REPS2: variants seen among roughly 807,000 people sequenced by gnomAD.
The protein encoded by REPS2 is ralBP1-associated Eps domain-containing protein 2.
In REPS2, 23 loss-of-function variants were observed where a neutral mutation model predicts 53.6. The ratio of observed to expected loss-of-function variants is 0.43; its 90% CI spans 0.31 to 0.61. REPS2 has a LOEUF of 0.61. Ranked by LOEUF, REPS2 falls within the 20% of genes least tolerant of loss-of-function variation. The pLI, the probability that REPS2 is intolerant of heterozygous loss-of-function variation, is 0.11. For synonymous variants in REPS2, 238 were observed against 218.6 expected, an observed-to-expected ratio of 1.09 and a Z score of -0.78; for missense variants, 446 against 534.9, an observed-to-expected ratio of 0.83 and a Z score of 1.64.
chrX:17,126,769 A>G (rs1300494623), intron 14 of REPS2, among the ~76,000 whole-genome samples: 1 of 111,379 alleles, frequency 9.0e-6, no homozygotes, highest in African/African-American at 3.3e-5. Context: ...CATTCATCGT[A>G]TTGTCTGTAG....
chrX:17,191,710 T>C, the REPS2 span, among the ~76,000 whole-genome samples: 1 of 112,675 alleles, frequency 8.9e-6, no homozygotes, highest in Non-Finnish European at 1.9e-5. Flanking sequence ...AATGAAATAT[T>C]GATACTTGCA....
At chrX:17,121,253 C>T (rs900015226) in intron 14 of REPS2, among the ~76,000 whole-genome samples, 2 of 112,176 alleles carry the variant, frequency 1.8e-5, no homozygotes, top group Non-Finnish European at 3.8e-5. Flanking sequence ...CAACTTCCTC[C>T]TAAATACCCT....
At chrX:16,964,159 A>G (rs1408189963) in intron 1 of REPS2, among the ~76,000 whole-genome samples, 1 of 107,432 alleles carries the variant, frequency 9.3e-6, no homozygotes, top group Non-Finnish European at 1.9e-5. Context: ...TGGTTTTCCT[A>G]GGCAGAGGAC....
At chrX:17,158,263 G>C (rs1193889076), downstream of REPS2, among the ~76,000 whole-genome samples, 1 of 111,768 alleles carries the variant, frequency 8.9e-6, no homozygotes, top group Non-Finnish European at 1.9e-5. Context: ...GCAAATGATA[G>C]GTTAATGGTA....
intron 1 of REPS2, among the ~76,000 whole-genome samples, chrX:16,963,139 T>C (rs771419576): frequency 1.2e-4 from 14 of 112,021 alleles, no homozygotes; most frequent in Non-Finnish European, 2.6e-4. Flanking sequence ...TATGTGTATA[T>C]GTATACGTTC....
chrX:17,094,502 T>C (rs1033678356), intron 13 of REPS2, among the ~76,000 whole-genome samples: 9 of 112,214 alleles, frequency 8.0e-5, no homozygotes, highest in African/African-American at 2.6e-4. Flanking sequence ...ATTCTTCATT[T>C]CTGGGAAATT....
intron 5 of REPS2, among the ~76,000 whole-genome samples, chrX:17,032,636 T>C (rs1167152074): frequency 8.9e-6 from 1 of 111,871 alleles, no homozygotes; most frequent in African/African-American, 3.3e-5. Flanking sequence ...TGTTGTCACG[T>C]TGATGTGCCG....
chrX:17,102,361 A>G (rs1206709271), intron 13 of REPS2, among the ~76,000 whole-genome samples: 1 of 111,920 alleles, frequency 8.9e-6, no homozygotes, highest in Admixed American at 9.5e-5. Flanking sequence ...GGACTACAGC[A>G]TGAGGCACCA....
At chrX:17,113,753 T>C (rs771845798) in intron 14 of REPS2, among the ~76,000 whole-genome samples, 34 of 111,540 alleles carry the variant, frequency 3.0e-4, no homozygotes, top group Non-Finnish European at 4.9e-4. Flanking sequence ...AATACCAGCA[T>C]TGGAATGGAG....
At chrX:17,170,839 GACA>G in the REPS2 span, among the ~76,000 whole-genome samples, 5 of 112,840 alleles carry the variant, frequency 4.4e-5, no homozygotes, top group Non-Finnish European at 9.4e-5. Flanking sequence ...TGCTCCTTGA[GACA>G]ACAAGCCATC....
intron 1 of REPS2, among the ~76,000 whole-genome samples, chrX:16,975,613 C>T (rs1462748222): frequency 9.0e-6 from 1 of 111,600 alleles, no homozygotes; most frequent in Non-Finnish European, 1.9e-5. Flanking sequence ...CATGATGTCT[C>T]AACCCCTCAT....
the REPS2 span, among the ~76,000 whole-genome samples, chrX:17,173,004 T>TGC: frequency 5.4e-5 from 6 of 110,419 alleles, no homozygotes; most frequent in African/African-American, 9.9e-5. Flanking sequence ...TGTGTGTGTG[T>TGC]GCATCATAGT....
At chrX:16,962,910 C>T (rs930344949) in intron 1 of REPS2, among the ~76,000 whole-genome samples, 1 of 111,198 alleles carries the variant, frequency 9.0e-6, no homozygotes, top group Non-Finnish European at 1.9e-5. Context: ...GCCTGGGCAA[C>T]GTAGTGAGAA....
At chrX:17,083,210 A>G (rs2148007229) in intron 13 of REPS2, among the ~76,000 whole-genome samples, 1 of 107,741 alleles carries the variant, frequency 9.3e-6, no homozygotes, top group East Asian at 2.9e-4. Context: ...CGGCCTCCCA[A>G]ATAGCTGGGG....
chrX:17,036,308 GTTTAA>G (rs1473888181), intron 5 of REPS2, among the ~76,000 whole-genome samples: 2 of 112,684 alleles, frequency 1.8e-5, no homozygotes, highest in Non-Finnish European at 3.7e-5. Context: ...GCTCACTGTA[GTTTAA>G]TTAGCATATC....
intron 14 of REPS2, among the ~76,000 whole-genome samples, chrX:17,115,483 C>T (rs1395770709): frequency 1.9e-5 from 2 of 105,974 alleles, no homozygotes; most frequent in Admixed American, 1.0e-4. Flanking sequence ...GGGCAGGAGA[C>T]AGATGCCTTC....
the REPS2 span, among the ~76,000 whole-genome samples, chrX:17,176,523 C>T: frequency 3.8e-4 from 43 of 112,082 alleles, 1 homozygote; most frequent in Admixed American, 2.5e-3. Flanking sequence ...TTTCAGTGAA[C>T]GTAGAGTAGT....
chrX:17,179,603 T>C, the REPS2 span, among the ~76,000 whole-genome samples: 6 of 111,948 alleles, frequency 5.4e-5, no homozygotes, highest in Non-Finnish European at 1.1e-4. Context: ...CCTTCCTGAA[T>C]TGGATATTTG....
chrX:17,083,077 C>CTTTTTT (rs746229224), intron 13 of REPS2, among the ~76,000 whole-genome samples: 1 of 80,577 alleles, frequency 1.2e-5, no homozygotes, highest in Non-Finnish European at 2.3e-5. Flanking sequence ...GTTCCGAGCA[C>CTTTTTT]TTTTTTTTTT....
Sources: allele counts gnomAD v4.1 joint callset (sites outside exome capture counted in the v4.1 genomes callset), GRCh38; gene constraint gnomAD v4.1.1; transcripts MANE v1.5; gene names NCBI Gene and HGNC (gene_info 2026-07-23, HGNC 2026-07-21).